The following MACF1 variants were observed in gnomAD, a reference collection of about 807,000 sequenced individuals.
MACF1 encodes microtubule actin crosslinking factor 1, also known as microtubule-actin cross-linking factor 1.
Under a neutral mutation model 854.8 loss-of-function variants are expected in MACF1, and 193 were observed. The observed-to-expected ratio is 0.23, with a 90% confidence interval of 0.20 to 0.25. The LOEUF is 0.25. Among genes scored for constraint, MACF1 ranks in the 10% least tolerant of loss-of-function variants. MACF1 has a pLI of 1.00. For synonymous variants in MACF1, 3,185 were observed against 3,226.7 expected (o/e 0.99, Z 0.44); for missense variants, 7,722 against 8,929.1 (o/e 0.86, Z 5.45).
intron 2 of MACF1, among the ~76,000 whole-genome samples, chr1:39,181,891 G>A (rs1336166678): frequency 6.6e-6 from 1 of 152,104 alleles, no homozygotes; most frequent in Non-Finnish European, 1.5e-5. Flanking sequence ...TGTGGCTCAC[G>A]CCCATAATCC....
intron 44 of MACF1, among the ~76,000 whole-genome samples, chr1:39,356,724 C>T (rs565599418): frequency 7.1e-4 from 108 of 152,298 alleles, no homozygotes; most frequent in African/African-American, 2.5e-3. Context: ...TACCCTTCCA[C>T]TAATGTAGAT....
intron 15 of MACF1, among the ~76,000 whole-genome samples, chr1:39,290,834 A>ATTT (rs1186073851): frequency 6.7e-6 from 1 of 149,488 alleles, no homozygotes; most frequent in Non-Finnish European, 1.5e-5. Flanking sequence ...CGCCCAGCTA[A>ATTT]TTTTTTGTAT....
chr1:39,385,814 T>C lies in MACF1; in HGVS notation c.14229T>C (p.Ala4743=), dbSNP rs753730186. Residue 4743 remains alanine (A), a synonymous_variant, in exon 57 of 101, where the codon GCT becomes GCC. Transcript: ENST00000564288. ...LEQLDHEVKE[A]QTLCDELSVL... Reference sequence around the variant, plus strand: ...AGTTAGACCACGAGGTTAAGGAGGCTCAGACACTGTGCGATGAACTCTCAG... The same window carrying C: ...AGTTAGACCACGAGGTTAAGGAGGCCCAGACACTGTGCGATGAACTCTCAG... The C allele has an allele frequency of 5.6e-6, 9 of 1,614,010 alleles. No individual in the cohort carries two copies. Among genetic ancestry groups the C allele is most frequent in the Non-Finnish European group, 7.6e-6 (9 of 1,180,026 alleles).
At chr1:39,106,509 A>G (rs1211939306) in intron 2 of MACF1, among the ~76,000 whole-genome samples, 3 of 152,176 alleles carry the variant, frequency 2.0e-5, no homozygotes, top group Non-Finnish European at 4.4e-5. Context: ...GAAGCCAGGG[A>G]TGCGTGGCCT....
chr1:39,335,690 A>T lies in MACF1; in HGVS notation c.9102A>T (p.Gly3034=), dbSNP rs140884043. 1,085 of 1,613,556 alleles carry T rather than the reference A, an allele frequency of 6.7e-4. No homozygotes were observed. Among genetic ancestry groups the T allele is most frequent in the Non-Finnish European group, 8.5e-4 (1,004 of 1,179,892 alleles). Residue 3034 remains glycine, a synonymous_variant, in exon 37 of 101, where the codon GGA becomes GGT. Transcript: ENST00000564288. ...GGAAAGAAGCTGATACAGAAATGGGATTTTCTATTACTTTTAAAATTGAAG... is the reference window on the plus strand; with the variant it reads ...GGAAAGAAGCTGATACAGAAATGGGTTTTTCTATTACTTTTAAAATTGAAG... ...EKGKEADTEM[G]FSITFKIEES...
intron 2 of MACF1, among the ~76,000 whole-genome samples, chr1:39,184,154 C>T (rs1455057996): frequency 6.6e-6 from 1 of 152,158 alleles, no homozygotes; most frequent in Non-Finnish European, 1.5e-5. Flanking sequence ...GTTCATGTGC[C>T]CTCAGAGCAT....
intron 23 of MACF1, among the ~76,000 whole-genome samples, chr1:39,303,305 A>G (rs1454238259): frequency 6.6e-6 from 1 of 152,198 alleles, no homozygotes; most frequent in African/African-American, 2.4e-5. Flanking sequence ...TCTTTTTTAA[A>G]GAACTCCTGG....
intron 2 of MACF1, among the ~76,000 whole-genome samples, chr1:39,186,940 A>T (rs1644181475): frequency 6.7e-6 from 1 of 149,820 alleles, no homozygotes; most frequent in Admixed American, 6.6e-5. Context: ...TTCTGCACAC[A>T]CAAACAGCCA....
At chr1:39,250,195 T>C in intron 3 of MACF1, 92 bp downstream of exon 3, 1 of 774,506 alleles carries the variant, frequency 1.3e-6, no homozygotes, top group Non-Finnish European at 2.2e-6. Flanking sequence ...CAGCCATCAC[T>C]GTTTCATCTA....
At chr1:39,090,377 C>T (rs1641773457) in intron 2 of MACF1, among the ~76,000 whole-genome samples, 2 of 152,224 alleles carry the variant, frequency 1.3e-5, no homozygotes, top group African/African-American at 2.4e-5. Flanking sequence ...TGTAGCTACA[C>T]ACCACCAGCT....
intron 26 of MACF1, among the ~76,000 whole-genome samples, chr1:39,311,247 A>C (rs1420044229): frequency 6.6e-6 from 1 of 152,218 alleles, no homozygotes; most frequent in African/African-American, 2.4e-5. Context: ...AAATTTTTCT[A>C]AGCAGTATAT....
intron 2 of MACF1, among the ~76,000 whole-genome samples, chr1:39,098,160 A>G (rs2148127873): frequency 6.6e-6 from 1 of 152,348 alleles, no homozygotes; most frequent in Admixed American, 6.5e-5. Context: ...AGATAAAAAC[A>G]GTTTTACTGA....
At chr1:39,160,893 C>T (rs1428066943) in intron 2 of MACF1, among the ~76,000 whole-genome samples, 1 of 152,206 alleles carries the variant, frequency 6.6e-6, no homozygotes, top group Non-Finnish European at 1.5e-5. Flanking sequence ...TCCAGAAGGG[C>T]TGATGGAAAG....
At chr1:39,230,289 T>C (rs557742101) in intron 1 of MACF1, among the ~76,000 whole-genome samples, 1 of 152,206 alleles carries the variant, frequency 6.6e-6, no homozygotes, top group East Asian at 1.9e-4. Context: ...TATCTTCACG[T>C]ATATGTAGAG....
intron 44 of MACF1, among the ~76,000 whole-genome samples, chr1:39,356,665 C>T (rs1332885416): frequency 6.6e-6 from 1 of 152,180 alleles, no homozygotes. Flanking sequence ...GCCACCATGC[C>T]TGGCCAAACT....
chr1:39,226,297 G>A (rs1232077962), intron 1 of MACF1, among the ~76,000 whole-genome samples: 2 of 151,402 alleles, frequency 1.3e-5, no homozygotes, highest in African/African-American at 2.4e-5. Flanking sequence ...GTACATTACC[G>A]TTATGGAAGG....
In MACF1 at chr1:39,084,515, G is replaced by A; in HGVS notation, c.220+77G>A. The stretch of plus-strand genomic sequence containing the variant: ...GGCCAGGGCACAGCAGCTGTGTGGG[G>A]AGCCGAGGGGTCCTCACCAGGGCCT... On this transcript the variant is annotated intron_variant, in intron 2 of 93. Coordinates refer to the MACF1 transcript ENST00000361689. The surrounding 1 kb of genome is among the most constrained non-coding windows in gnomAD (Gnocchi z 5.2). 1.6e-6 allele frequency: 2 copies of A among 1,253,626 alleles called. No homozygotes were observed. The highest frequency in any genetic ancestry group is 2.2e-6 in the Non-Finnish European group (2 of 891,164). 77.7% of individuals were successfully genotyped at this position (1,253,626 alleles called of 1,614,324 possible). A position where few individuals can be genotyped will look rare whatever the true frequency, so the allele number is the denominator to read the frequency against.
chr1:39,120,037 C>A (rs902234735), intron 2 of MACF1, among the ~76,000 whole-genome samples: 2 of 151,872 alleles, frequency 1.3e-5, no homozygotes, highest in Non-Finnish European at 2.9e-5. Flanking sequence ...ACATGCGGCA[C>A]CACGCTTGGC....
At chr1:39,446,495 T>TC (rs1379907402) in intron 80 of MACF1, among the ~76,000 whole-genome samples, 1 of 151,564 alleles carries the variant, frequency 6.6e-6, no homozygotes, top group African/African-American at 2.4e-5. Flanking sequence ...TATTGTAATT[T>TC]TTTTTTTTTT....
Sources: gnomAD v4.1 joint callset for allele counts (sites outside exome capture counted in the v4.1 genomes callset) on GRCh38, gnomAD v4.1.1 for gene constraint, Gnocchi (gnomAD v3.1) non-coding constraint, MANE v1.5 for transcripts, NCBI Gene and HGNC (gene_info 2026-07-23, HGNC 2026-07-21) for gene names.